FHIT: variants seen among roughly 807,000 people sequenced by gnomAD.
The protein encoded by FHIT is fragile histidine triad diadenosine triphosphatase.
A neutral mutation model predicts 17.9 loss-of-function variants in FHIT; 19 were observed. The observed-to-expected ratio is 1.06, with a 90% CI of 0.74 to 1.56. FHIT has a LOEUF of 1.56. Among genes scored for constraint, FHIT ranks in the 40% most tolerant of loss-of-function variants. FHIT has a pLI of 0.00. For missense variants in FHIT, 248 were observed against 189.2 expected (o/e 1.31, Z -1.82); for synonymous variants, 81 against 69.7 (o/e 1.16, Z -0.81).
intron 9 of FHIT, chr3:59,750,622 T>G (rs750820233): frequency 4.5e-6 from 1 of 223,584 alleles, no homozygotes; most frequent in Non-Finnish European, 8.9e-6. Flanking sequence ...CTGACAAACT[T>G]ATGACATGGG....
intron 2 of FHIT, among the ~76,000 whole-genome samples, chr3:61,188,172 G>C (rs1211926098): frequency 6.6e-6 from 1 of 152,058 alleles, no homozygotes; most frequent in Non-Finnish European, 1.5e-5. Flanking sequence ...CAACAAAATT[G>C]ATAGACCGCT....
chr3:59,928,348 A>T (rs755013567), intron 7 of FHIT, among the ~76,000 whole-genome samples: 3 of 152,226 alleles, frequency 2.0e-5, no homozygotes, highest in Non-Finnish European at 2.9e-5. Context: ...TAGATTTTCC[A>T]GGTTGCCCCA....
At chr3:61,149,122 T>C (rs2037311630) in intron 2 of FHIT, among the ~76,000 whole-genome samples, 1 of 152,138 alleles carries the variant, frequency 6.6e-6, no homozygotes, top group Non-Finnish European at 1.5e-5. Context: ...AAGAGGCAAA[T>C]ATTTCAGGGC....
intron 5 of FHIT, among the ~76,000 whole-genome samples, chr3:60,375,440 T>C (rs1279871499): frequency 2.7e-5 from 4 of 149,020 alleles, no homozygotes; most frequent in African/African-American, 7.4e-5. Context: ...CCAGATGTGG[T>C]GGTGTACACC....
intron 5 of FHIT, among the ~76,000 whole-genome samples, chr3:60,136,951 G>C (rs950973621): frequency 2.6e-5 from 4 of 152,102 alleles, no homozygotes; most frequent in African/African-American, 9.7e-5. Flanking sequence ...TATCTCCTTG[G>C]TTTAATATTT....
At chr3:60,336,651 T>A (rs973024473) in intron 5 of FHIT, among the ~76,000 whole-genome samples, 2 of 152,130 alleles carry the variant, frequency 1.3e-5, no homozygotes, top group Non-Finnish European at 2.9e-5. Context: ...AAATTGGAAA[T>A]TCAGGTCCTC....
intron 4 of FHIT, among the ~76,000 whole-genome samples, chr3:60,813,511 G>A (rs574982325): frequency 1.3e-5 from 2 of 152,064 alleles, no homozygotes; most frequent in South Asian, 4.2e-4. Flanking sequence ...TAGATCATGG[G>A]AGGTGCTTAA....
intron 5 of FHIT, among the ~76,000 whole-genome samples, chr3:60,305,207 G>A (rs911394929): frequency 6.6e-6 from 1 of 151,968 alleles, no homozygotes; most frequent in African/African-American, 2.4e-5. Flanking sequence ...AGAGATGAAA[G>A]GACATAATAA....
At chr3:60,962,355 G>A (rs1236192925) in intron 3 of FHIT, among the ~76,000 whole-genome samples, 3 of 152,114 alleles carry the variant, frequency 2.0e-5, no homozygotes, top group Non-Finnish European at 2.9e-5. Flanking sequence ...ATTTCTAAAT[G>A]TACAGTCATG....
At chr3:60,354,960 T>G (rs74792031) in intron 5 of FHIT, among the ~76,000 whole-genome samples, 2,964 of 152,294 alleles carry the variant, frequency 0.019, 72 homozygotes, top group African/African-American at 0.058. Context: ...TCCAGTAAAT[T>G]TATGTTTTAG....
chr3:61,077,634 G>C (rs1258434166), intron 2 of FHIT, among the ~76,000 whole-genome samples: 2 of 152,072 alleles, frequency 1.3e-5, no homozygotes, highest in African/African-American at 2.4e-5. Context: ...CTCTCCAGTG[G>C]TCTAATTCCC....
intron 4 of FHIT, among the ~76,000 whole-genome samples, chr3:60,666,580 G>A (rs187274482): frequency 3.9e-5 from 6 of 152,210 alleles, no homozygotes; most frequent in South Asian, 2.1e-4. Flanking sequence ...TTGGGATTAC[G>A]TGTGGGGTTC....
At chr3:59,923,751 C>G (rs756759520) in intron 7 of FHIT, among the ~76,000 whole-genome samples, 1 of 152,022 alleles carries the variant, frequency 6.6e-6, no homozygotes, top group Admixed American at 6.5e-5. Flanking sequence ...GATCGGGTTC[C>G]GAGGCTCCAA....
intron 4 of FHIT, among the ~76,000 whole-genome samples, chr3:60,814,910 T>C (rs1466149014): frequency 7.3e-6 from 1 of 136,542 alleles, no homozygotes; most frequent in Non-Finnish European, 1.6e-5. Context: ...GTTTTTGTTG[T>C]TTTTTTTTTT....
intron 3 of FHIT, among the ~76,000 whole-genome samples, chr3:60,887,579 G>C (rs1215137914): frequency 6.6e-6 from 1 of 152,156 alleles, no homozygotes; most frequent in Non-Finnish European, 1.5e-5. Flanking sequence ...CCAGGAGGCA[G>C]AGGTTGCAGT....
At chr3:61,170,529 C>T (rs1183787151) in intron 2 of FHIT, among the ~76,000 whole-genome samples, 1 of 152,100 alleles carries the variant, frequency 6.6e-6, no homozygotes, top group East Asian at 1.9e-4. Context: ...CCTCCTCTCT[C>T]CCACCCTCCA....
At chr3:60,250,564 G>A (rs1705649874) in intron 5 of FHIT, among the ~76,000 whole-genome samples, 1 of 152,026 alleles carries the variant, frequency 6.6e-6, no homozygotes, top group Admixed American at 6.6e-5. Context: ...ATATAATTAG[G>A]GTCAATTACA....
At chr3:61,180,633 G>C (rs976008848) in intron 2 of FHIT, among the ~76,000 whole-genome samples, 2 of 152,180 alleles carry the variant, frequency 1.3e-5, no homozygotes, top group Non-Finnish European at 2.9e-5. Flanking sequence ...GGTTATGTTT[G>C]TGCAGCTGTC....
chr3:60,221,526 G>C (rs1276721648), intron 5 of FHIT, among the ~76,000 whole-genome samples: 2 of 152,114 alleles, frequency 1.3e-5, no homozygotes, highest in African/African-American at 4.8e-5. Context: ...TACTCCAGTG[G>C]CTTCAATATG....
Sources: gnomAD v4.1 joint callset for allele counts (sites outside exome capture counted in the v4.1 genomes callset) on GRCh38, gnomAD v4.1.1 for gene constraint, MANE v1.5 for transcripts, NCBI Gene and HGNC (gene_info 2026-07-23, HGNC 2026-07-21) for gene names.